Variants in C11orf65 observed in about 807,000 individuals in gnomAD.
C11orf65 encodes the protein chromosome 11 open reading frame 65, also known as protein MFI.
In C11orf65, 38 loss-of-function variants were observed where a neutral mutation model predicts 35.3. The ratio of observed to expected loss-of-function variants is 1.08; its 90% CI spans 0.83 to 1.41. The LOEUF (loss-of-function observed/expected upper bound fraction) is 1.41. C11orf65 is among the 40% of genes most tolerant of loss of function. C11orf65 has a pLI of 0.00. For missense variants in C11orf65, 370 were observed against 367.1 expected (o/e 1.01, Z -0.06); for synonymous variants, 105 against 114.4 (o/e 0.92, Z 0.53).
At chr11:108,322,105 TCTATTGTTTATTGTTGTATAC>T (rs548851612) in intron 6 of C11orf65, among the ~76,000 whole-genome samples, 72 of 152,228 alleles carry the variant, frequency 4.7e-4, no homozygotes, top group Middle Eastern at 3.4e-3. Flanking sequence ...TGGGAACCAT[TCTATTGTTTATTGTTGTATAC>T]CTAGTGTTTT....
At chr11:108,336,367 T>G (rs991643000) in intron 2 of C11orf65, 11 of 160,336 alleles carry the variant, frequency 6.9e-5, no homozygotes, top group African/African-American at 2.6e-4. Flanking sequence ...AAATGTTTTC[T>G]GTGAAGGACC....
intron 8 of C11orf65, among the ~76,000 whole-genome samples, chr11:108,384,390 A>T (rs982074969): frequency 3.3e-5 from 5 of 152,146 alleles, no homozygotes; most frequent in Admixed American, 3.3e-4. Flanking sequence ...GTGCATGATT[A>T]TCTCATTATC....
chr11:108,460,195 C>G (rs1465551206), intron 2 of C11orf65, among the ~76,000 whole-genome samples: 1 of 152,076 alleles, frequency 6.6e-6, no homozygotes, highest in East Asian at 1.9e-4. Flanking sequence ...AATAATGAAG[C>G]AACTTTACAA....
chr11:108,323,341 G>A (rs916817638), intron 6 of C11orf65, among the ~76,000 whole-genome samples: 12 of 152,254 alleles, frequency 7.9e-5, no homozygotes, highest in Middle Eastern at 3.4e-3. Context: ...CTGCTGAAAA[G>A]AGTACAGAAT....
At chr11:108,416,636 ACACTG>A (rs1256199014) in intron 3 of C11orf65, among the ~76,000 whole-genome samples, 1 of 152,076 alleles carries the variant, frequency 6.6e-6, no homozygotes, top group East Asian at 1.9e-4. Context: ...TGAGATTGTG[ACACTG>A]CACTCCAGCC....
intron 2 of C11orf65, chr11:108,347,158 GCTAAAAA>G: frequency 2.5e-6 from 2 of 811,092 alleles, no homozygotes; most frequent in East Asian, 5.1e-5. Flanking sequence ...ATTTAAGTAG[GCTAAAAA>G]TCCTAAACTA....
rs999357615 is a variant in C11orf65, at chr11:108,343,299, C to T, written c.227-8007G>A. 6.2e-7 allele frequency: 1 copy of T among 1,613,968 alleles called. No homozygotes were observed. The highest frequency in any genetic ancestry group is 1.3e-5 in the African/African-American group (1 of 75,012). On this transcript the variant is annotated intron_variant, in intron 2 of 3. Coordinates refer to the C11orf65 transcript ENST00000524755. The stretch of plus-strand genomic sequence containing the variant: ...TCCCCATTGGTGAATTTCTTGTTAA[C>T]AATGAAGATGGTGCTCATAAAAGAT...
At chr11:108,360,080 T>A (rs1436790955) in intron 2 of C11orf65, among the ~76,000 whole-genome samples, 1 of 150,308 alleles carries the variant, frequency 6.7e-6, no homozygotes, top group Non-Finnish European at 1.5e-5. Flanking sequence ...GAGAGAAGAA[T>A]CAAATAGACA....
At chr11:108,442,859 C>A (rs956144416) in intron 2 of C11orf65, among the ~76,000 whole-genome samples, 13 of 152,156 alleles carry the variant, frequency 8.5e-5, no homozygotes, top group African/African-American at 3.1e-4. Context: ...CAGTACCAGC[C>A]ACTGCAAAAA....
intron 2 of C11orf65, chr11:108,345,599 G>A (rs1458663675): frequency 3.0e-6 from 2 of 676,628 alleles, no homozygotes; most frequent in Non-Finnish European, 2.4e-6. Flanking sequence ...TTGCTTCCCT[G>A]TCCAGACTGT....
At chr11:108,378,708 G>T (rs1167459215), downstream of C11orf65, among the ~76,000 whole-genome samples, 1 of 139,022 alleles carries the variant, frequency 7.2e-6, no homozygotes, top group Non-Finnish European at 1.5e-5. Flanking sequence ...TACAAAATGG[G>T]AGAAAATTTT....
chr11:108,332,992 T>A (rs2136582716), intron 3 of C11orf65: 2 of 1,471,098 alleles, frequency 1.4e-6, no homozygotes, highest in Non-Finnish European at 1.9e-6. Context: ...GTAAATCTGC[T>A]TAAAATCACA....
At chr11:108,404,620 G>A (rs1281329696) in intron 6 of C11orf65, among the ~76,000 whole-genome samples, 4 of 144,986 alleles carry the variant, frequency 2.8e-5, no homozygotes, top group African/African-American at 5.1e-5. Context: ...AACTAGAGAC[G>A]GGGTTTCACC....
intron 2 of C11orf65, among the ~76,000 whole-genome samples, chr11:108,348,485 G>A (rs1349484474): frequency 1.3e-5 from 2 of 151,256 alleles, no homozygotes; most frequent in East Asian, 2.0e-4. Context: ...TAAATAATAA[G>A]AAAGTGATGA....
Position 108,441,909 on chromosome 11 carries a change from C to T in C11orf65, c.82-10071G>A, listed in dbSNP as rs1236035605. Among the ~76,000 whole-genome samples, 5 of 152,304 alleles carry T rather than the reference C, an allele frequency of 3.3e-5. No homozygotes were observed. In the South Asian group the frequency reaches 8.3e-4, roughly 25 times the overall value. ...GCTGAAAATTCTAAATATCAGAATG[C>T]CTCTTCTCCTCCAAAGGAATGCAGC... On this transcript the variant is annotated intron_variant, in intron 2 of 8. Transcript: ENST00000393084.
chr11:108,335,136 C>T (rs1445540479), intron 3 of C11orf65: 15 of 1,613,496 alleles, frequency 9.3e-6, no homozygotes, highest in African/African-American at 1.3e-5. Flanking sequence ...CTGGCTTAGC[C>T]CTTAGAGTTT....
At chr11:108,441,510 G>A (rs962838447) in intron 2 of C11orf65, among the ~76,000 whole-genome samples, 2 of 152,154 alleles carry the variant, frequency 1.3e-5, no homozygotes, top group African/African-American at 4.8e-5. Flanking sequence ...TGAGAGAATG[G>A]GCAGACTGCC....
chr11:108,393,254 C>A lies in C11orf65; in HGVS notation c.685G>T (p.Glu229Ter). The A allele has an allele frequency of 6.2e-7, 1 of 1,614,078 alleles. No individual in the cohort carries two copies. The highest frequency in any genetic ancestry group is 8.5e-7 in the Non-Finnish European group (1 of 1,179,982). The change falls in exon 7 of 9, where the codon GAA becomes TAA. Residue 229 changes from glutamate (E) to a stop codon, truncating the protein, a stop_gained. Transcript: ENST00000393084. LOFTEE classifies it high-confidence loss of function. The part of the protein sequence containing the change: ...DGGIDSVMEW[E>*]VDEVLNWTNT... ...GTCCAGTTCAGCACTTCATCCACTTCCCATTCCATCACAGAATCTATCCCC... is the reference window on the plus strand; with the variant it reads ...GTCCAGTTCAGCACTTCATCCACTTACCATTCCATCACAGAATCTATCCCC...
chr11:108,344,738 G>A (rs756374552), intron 2 of C11orf65, among the ~76,000 whole-genome samples: 63 of 151,976 alleles, frequency 4.1e-4, no homozygotes, highest in Middle Eastern at 3.2e-3. Context: ...GTGTGGTAGC[G>A]CATGCCTGTA....
Sources: gnomAD v4.1 joint callset for allele counts (sites outside exome capture counted in the v4.1 genomes callset) on GRCh38, gnomAD v4.1.1 for gene constraint, MANE v1.5 for transcripts, NCBI Gene and HGNC (gene_info 2026-07-23, HGNC 2026-07-21) for gene names.